BRINP3: variants seen among roughly 807,000 people sequenced by gnomAD.
BRINP3 encodes BMP/retinoic acid-inducible neural-specific protein 3.
A neutral mutation model predicts 71.0 loss-of-function variants in BRINP3; 19 were observed. The ratio of observed to expected loss-of-function variants is 0.27; its 90% CI spans 0.19 to 0.39. BRINP3 has a LOEUF of 0.39. Among genes scored for constraint, BRINP3 ranks in the 10% least tolerant of loss-of-function variants. The pLI, the probability that BRINP3 is intolerant of heterozygous loss-of-function variation, is 1.00. For missense variants in BRINP3, 959 were observed against 940.8 expected, an observed-to-expected ratio of 1.02 and a Z score of -0.25; for synonymous variants, 380 against 337.7, an observed-to-expected ratio of 1.13 and a Z score of -1.37.
intron 2 of BRINP3, among the ~76,000 whole-genome samples, chr1:190,322,554 T>C (rs2103054895): frequency 6.6e-6 from 1 of 152,102 alleles, no homozygotes; most frequent in South Asian, 2.1e-4. Context: ...AGAATATTCA[T>C]CACCTAAGAC....
At chr1:190,394,808 A>G (rs961874000) in intron 2 of BRINP3, among the ~76,000 whole-genome samples, 2 of 151,566 alleles carry the variant, frequency 1.3e-5, no homozygotes, top group African/African-American at 4.8e-5. Context: ...TACTCTATGG[A>G]TATAACCTGA....
At chr1:190,405,234 G>C (rs952498408) in intron 2 of BRINP3, among the ~76,000 whole-genome samples, 1 of 151,862 alleles carries the variant, frequency 6.6e-6, no homozygotes, top group Non-Finnish European at 1.5e-5. Flanking sequence ...GGCGGATCAC[G>C]AGGTCAGCAG....
chr1:190,226,389 A>T, intron 5 of BRINP3, 71 bp from the exon 6 acceptor site: 1 of 828,270 alleles, frequency 1.2e-6, no homozygotes, highest in African/African-American at 1.8e-5. Flanking sequence ...TATTTATAAT[A>T]TTCAATCAAA....
intron 7 of BRINP3, among the ~76,000 whole-genome samples, chr1:190,141,744 G>A (rs558842142): frequency 8.6e-5 from 13 of 151,554 alleles, no homozygotes; most frequent in African/African-American, 2.4e-4. Context: ...ATTTTTAGGA[G>A]AGACAGGATT....
rs567355642 is a variant in BRINP3, at chr1:190,352,859, C to G, written c.237-71109G>C. 1.4e-3 allele frequency among the ~76,000 whole-genome samples: 208 copies of G among 148,978 alleles called. 1 individual carries two copies. Among genetic ancestry groups the G allele is most frequent in the African/African-American group, 4.1e-3 (162 of 39,142 alleles). The stretch of plus-strand genomic sequence containing the variant: ...AGATATTCTCTCTCTCTCTCTCTCT[C>G]TGTGTGTGTATGTGCATGTCTCTCT... On this transcript the variant is annotated intron_variant, in intron 2 of 7. Transcript: ENST00000367462.
In BRINP3 at chr1:190,180,760, T is replaced by TA. The variant is rs544311871; in HGVS notation, c.962-19871dup. On this transcript the variant is annotated intron_variant, in intron 6 of 7. Transcript: ENST00000367462. ...TGTGTTAGCCATAGTATTTAAATAT[T>TA]AAAAAAACTTTATATAACACGTCAT... 1.0e-3 allele frequency among the ~76,000 whole-genome samples: 154 copies of TA among 152,114 alleles called. 1 individual carries two copies. The highest frequency in any genetic ancestry group is 3.4e-3 in the Middle Eastern group (1 of 294).
At chr1:190,328,744 C>T (rs1666774104) in intron 2 of BRINP3, among the ~76,000 whole-genome samples, 1 of 150,480 alleles carries the variant, frequency 6.6e-6, no homozygotes, top group South Asian at 2.1e-4. Flanking sequence ...AAAATACAGG[C>T]CAATATTCCT....
At chr1:190,450,248 G>GGTAA (rs1281165205) in intron 2 of BRINP3, among the ~76,000 whole-genome samples, 1 of 152,164 alleles carries the variant, frequency 6.6e-6, no homozygotes, top group East Asian at 1.9e-4. Context: ...TAATGACACA[G>GGTAA]CTCCCTTCTG....
At chr1:190,156,049 T>G (rs1259847527) in intron 7 of BRINP3, among the ~76,000 whole-genome samples, 2 of 152,094 alleles carry the variant, frequency 1.3e-5, no homozygotes, top group African/African-American at 4.8e-5. Context: ...GAGCAAAAGT[T>G]GACTACCTCA....
chr1:190,232,192 T>C (rs887282866), intron 5 of BRINP3, among the ~76,000 whole-genome samples: 2 of 151,970 alleles, frequency 1.3e-5, no homozygotes, highest in Middle Eastern at 3.2e-3. Flanking sequence ...CCAAAAGACA[T>C]GAAGATCTCT....
At chr1:190,139,677 G>C (rs1655269814) in intron 7 of BRINP3, among the ~76,000 whole-genome samples, 1 of 152,110 alleles carries the variant, frequency 6.6e-6, no homozygotes, top group South Asian at 2.1e-4. Context: ...CTGTAGGAAA[G>C]GAGCAAAAAT....
chr1:190,180,891 A>G (rs747430246), intron 6 of BRINP3, among the ~76,000 whole-genome samples: 7 of 152,112 alleles, frequency 4.6e-5, no homozygotes, highest in Non-Finnish European at 8.8e-5. Context: ...CCTTTCATCC[A>G]GGTTCTACTA....
At chr1:190,194,743 G>A (rs2102587280) in intron 6 of BRINP3, among the ~76,000 whole-genome samples, 1 of 152,158 alleles carries the variant, frequency 6.6e-6, no homozygotes, top group East Asian at 1.9e-4. Flanking sequence ...TGAAGCCCTG[G>A]AGATACTAAT....
chr1:190,265,043 A>G lies in BRINP3; in HGVS notation c.440T>C (p.Leu147Pro), dbSNP rs1661534029. 1 of 1,606,142 alleles carries G rather than the reference A, an allele frequency of 6.2e-7. No individual in the cohort carries two copies. The highest frequency in any genetic ancestry group is 8.5e-7 in the Non-Finnish European group (1 of 1,177,400). ...LSATLGGEES[L>P]TIFVDKRKLS... ...CTTCCGCTTGTCCACAAAAATTGTG[A>G]GTGACTCCTCTCCTGCATTAATAAT... The change falls in exon 4 of 8, where the codon CTC (leucine) becomes CCC (proline). Residue 147 changes from leucine (L) to proline (P), a missense_variant. Coordinates refer to ENST00000367462, the MANE Select transcript of BRINP3 (RefSeq NM_199051.3).
rs151286950 is a variant in BRINP3, at chr1:190,212,451, G to A, written c.961+13631C>T. On this transcript the variant is annotated intron_variant, in intron 6 of 7. Coordinates refer to ENST00000367462, the MANE Select transcript of BRINP3 (RefSeq NM_199051.3). ...AACTACAGATACATCTCATTTTCCC[G>A]CAAGTATAGAAGACTGGAAAACATG... Among the ~76,000 whole-genome samples the A allele has an allele frequency of 2.1e-3, 320 of 152,136 alleles. 2 individuals carry two copies. Among genetic ancestry groups the A allele is most frequent in the African/African-American group, 7.1e-3 (294 of 41,538 alleles).
rs111853038 is a variant in BRINP3 at position 190,277,373 on chromosome 1, A to G, written c.427+4187T>C. On this transcript the variant is annotated intron_variant, in intron 3 of 7. Coordinates refer to ENST00000367462, the MANE Select transcript of BRINP3 (RefSeq NM_199051.3). ...CCTTAGAGCTGAGAGAGACAAGAGT[A>G]CTAGCGGAGGAACTCACAGGTTTCC... Among the ~76,000 whole-genome samples, 533 of 151,306 alleles carry G rather than the reference A, an allele frequency of 3.5e-3. 5 individuals carry two copies. Among genetic ancestry groups the G allele is most frequent in the African/African-American group, 0.012 (497 of 41,414 alleles).
At chr1:190,128,659 C>T (rs1173240957) in intron 7 of BRINP3, among the ~76,000 whole-genome samples, 1 of 151,700 alleles carries the variant, frequency 6.6e-6, no homozygotes, top group African/African-American at 2.4e-5. Context: ...ATTATGCTTC[C>T]AGGATTAATT....
At chr1:190,420,876 G>T (rs1273600884) in intron 2 of BRINP3, among the ~76,000 whole-genome samples, 2 of 151,654 alleles carry the variant, frequency 1.3e-5, no homozygotes, top group Non-Finnish European at 3.0e-5. Context: ...GGGAGATTTC[G>T]GCTCTTCCAT....
chr1:190,257,304 A>G (rs541247042), intron 4 of BRINP3, among the ~76,000 whole-genome samples: 40 of 152,108 alleles, frequency 2.6e-4, no homozygotes, highest in African/African-American at 9.2e-4. Context: ...TGCATGTGTC[A>G]TGTAGTTCTC....
Sources: allele counts gnomAD v4.1 joint callset (sites outside exome capture counted in the v4.1 genomes callset), GRCh38; gene constraint gnomAD v4.1.1; transcripts MANE v1.5; gene names NCBI Gene and HGNC (gene_info 2026-07-23, HGNC 2026-07-21).